The following CMKLR1 variants were observed in gnomAD, a reference collection of about 807,000 sequenced individuals.
CMKLR1 encodes chemerin chemokine-like receptor 1, also known as chemerin-like receptor 1.
Under a neutral mutation model 8.2 loss-of-function variants are expected in CMKLR1, and 6 were observed. The observed-to-expected ratio is 0.73, with a 90% CI of 0.40 to 1.44. The LOEUF is 1.44. CMKLR1 is among the 40% of genes most tolerant of loss of function. The probability of loss-of-function intolerance (pLI) is 0.02; values close to 1 mark genes in which losing one functional copy is unlikely to be tolerated. For synonymous variants in CMKLR1, 178 were observed against 181.2 expected, an observed-to-expected ratio of 0.98 and a Z score of 0.14; for missense variants, 429 against 478.0, an observed-to-expected ratio of 0.90 and a Z score of 0.96.
intron 2 of CMKLR1, among the ~76,000 whole-genome samples, chr12:108,304,165 T>TC (rs1406703370): frequency 6.6e-6 from 1 of 152,268 alleles, no homozygotes; most frequent in East Asian, 1.9e-4. Flanking sequence ...TCCAGCTCCT[T>TC]CCCTGTAGGG....
At chr12:108,331,765 G>A (rs1033817443) in intron 1 of CMKLR1, among the ~76,000 whole-genome samples, 2 of 152,160 alleles carry the variant, frequency 1.3e-5, no homozygotes, top group Non-Finnish European at 2.9e-5. Context: ...TTTGAAGGCT[G>A]GGGAAGGGGA....
chr12:108,305,722 G>T (rs1390190659), intron 2 of CMKLR1, among the ~76,000 whole-genome samples: 1 of 152,222 alleles, frequency 6.6e-6, no homozygotes, highest in Non-Finnish European at 1.5e-5. Context: ...TCCGTGTCAG[G>T]AGAGAATTTC....
Position 108,292,786 on chromosome 12 carries a change from A to G in CMKLR1, c.177T>C (p.Gly59=), listed in dbSNP as rs1334824703. The change falls in exon 4 of 4, where the codon GGT becomes GGC. Residue 59 remains glycine, a synonymous_variant. Coordinates refer to ENST00000550402, the MANE Select transcript of CMKLR1 (RefSeq NM_001142343.2). ...TGAAGGTGGCAATGATGATCACCAG[A>G]CCATTGCCCAGAATCCCGAGGAAGC... ...IVCFLGILGN[G]LVIIIATFKM... 1 of 1,614,150 alleles carries G rather than the reference A, an allele frequency of 6.2e-7. No individual in the cohort carries two copies. The highest frequency in any genetic ancestry group is 1.1e-5 in the South Asian group (1 of 91,080).
chr12:108,293,097 A>G (rs937896855), intron 3 of CMKLR1, 138 bp from the exon 4 acceptor site: 2 of 779,812 alleles, frequency 2.6e-6, no homozygotes, highest in Non-Finnish European at 4.0e-6. Context: ...CTTCTTTGCT[A>G]TTTTATTTAT....
intron 2 of CMKLR1, among the ~76,000 whole-genome samples, chr12:108,300,599 G>A (rs1296305854): frequency 6.6e-6 from 1 of 152,124 alleles, no homozygotes; most frequent in Non-Finnish European, 1.5e-5. Flanking sequence ...GGGATTAAGG[G>A]CCCAGGATAT....
chr12:108,330,422 T>C (rs1294312445), intron 1 of CMKLR1, among the ~76,000 whole-genome samples: 1 of 152,154 alleles, frequency 6.6e-6, no homozygotes, highest in Non-Finnish European at 1.5e-5. Context: ...AATTTGGGGG[T>C]GTTTGATCCA....
At chr12:108,334,279 G>C (rs1476978707) in intron 1 of CMKLR1, among the ~76,000 whole-genome samples, 1 of 152,248 alleles carries the variant, frequency 6.6e-6, no homozygotes, top group Admixed American at 6.5e-5. Context: ...GGGCCTCAAA[G>C]ACAGGAAGCA....
chr12:108,335,357 A>G (rs1048724094), intron 1 of CMKLR1, among the ~76,000 whole-genome samples: 1 of 152,146 alleles, frequency 6.6e-6, no homozygotes, highest in African/African-American at 2.4e-5. Flanking sequence ...ATAAGCAAAT[A>G]TGCCACCTCC....
chr12:108,334,099 C>G (rs1892168686), intron 1 of CMKLR1, among the ~76,000 whole-genome samples: 1 of 152,258 alleles, frequency 6.6e-6, no homozygotes, highest in Admixed American at 6.5e-5. Flanking sequence ...GTCACGTAAC[C>G]AATCAGGGCC....
chr12:108,322,831 T>C (rs80203969), intron 2 of CMKLR1, among the ~76,000 whole-genome samples: 1,897 of 152,300 alleles, frequency 0.012, 40 homozygotes, highest in African/African-American at 0.043. Context: ...AGTAAATTAC[T>C]CAACCTTGGG....
intron 1 of CMKLR1, among the ~76,000 whole-genome samples, chr12:108,335,242 C>A (rs1207078109): frequency 6.6e-6 from 1 of 152,188 alleles, no homozygotes; most frequent in African/African-American, 2.4e-5. Context: ...CCAAGAACCT[C>A]ATATCCTTGT....
At chr12:108,332,253 G>A (rs1338399253) in intron 1 of CMKLR1, among the ~76,000 whole-genome samples, 5 of 152,166 alleles carry the variant, frequency 3.3e-5, no homozygotes, top group Admixed American at 1.3e-4. Flanking sequence ...ATAGGTGGCC[G>A]GGCTCACCGC....
chr12:108,319,510 G>A (rs1293697043), intron 2 of CMKLR1, among the ~76,000 whole-genome samples: 1 of 152,198 alleles, frequency 6.6e-6, no homozygotes, highest in Non-Finnish European at 1.5e-5. Context: ...CCTCTTTGTT[G>A]CTTAAATTCT....
intron 2 of CMKLR1, among the ~76,000 whole-genome samples, chr12:108,302,532 C>T (rs980721194): frequency 6.9e-6 from 1 of 144,304 alleles, no homozygotes; most frequent in Middle Eastern, 3.6e-3. Context: ...CATCCCACAG[C>T]GTCCTACAGA....
intron 2 of CMKLR1, among the ~76,000 whole-genome samples, chr12:108,313,430 C>A (rs1469060223): frequency 1.3e-5 from 2 of 152,198 alleles, no homozygotes; most frequent in African/African-American, 2.4e-5. Flanking sequence ...GCTTAAGCCT[C>A]ACTCAGTTAC....
chr12:108,323,986 C>T lies in CMKLR1; in HGVS notation c.-74+6009G>A, dbSNP rs573782347. 2.0e-5 allele frequency among the ~76,000 whole-genome samples: 3 copies of T among 152,300 alleles called. No individual in the cohort carries two copies. The South Asian group carries it at 6.2e-4, about 32-fold the overall frequency. On this transcript the variant is annotated intron_variant, in intron 2 of 3. Coordinates refer to ENST00000550402, the MANE Select transcript of CMKLR1 (RefSeq NM_001142343.2). ...CAGCTCCAGAGAGACCAGGGGTCTACAGTCCAGCCCTGGCAGGTCCCCTCC... is the reference window on the plus strand; with the variant it reads ...CAGCTCCAGAGAGACCAGGGGTCTATAGTCCAGCCCTGGCAGGTCCCCTCC...
intron 1 of CMKLR1, among the ~76,000 whole-genome samples, chr12:108,336,384 A>C (rs922927211): frequency 1.3e-5 from 2 of 152,166 alleles, no homozygotes; most frequent in Non-Finnish European, 2.9e-5. Flanking sequence ...GTCTCTACTA[A>C]AAATACAAAA....
chr12:108,321,000 G>A (rs1891849263), intron 2 of CMKLR1, among the ~76,000 whole-genome samples: 1 of 152,188 alleles, frequency 6.6e-6, no homozygotes, highest in African/African-American at 2.4e-5. Context: ...GGGAATATTA[G>A]ATGCTAACAG....
Position 108,330,112 on chromosome 12 carries a change from C to T in CMKLR1, c.-191G>A, listed in dbSNP as rs947148630. 4.6e-5 allele frequency: 7 copies of T among 152,134 alleles called. No individual in the cohort carries two copies. The highest frequency in any genetic ancestry group is 8.8e-5 in the Non-Finnish European group (6 of 68,050). The allele number at this position is 152,134 out of a possible 1,614,324, so 9.4% of individuals were successfully genotyped here. ...AGAAGTGATGCTGTGCTAGTCCCAG[C>T]CTAGATCTCTAGATGCCATCAGCTT... is the stretch of plus-strand genomic sequence containing the variant. On this transcript the variant is annotated 5_prime_UTR_variant, in exon 2 of 4. Coordinates refer to ENST00000550402, the MANE Select transcript of CMKLR1 (RefSeq NM_001142343.2).
Sources: gnomAD v4.1 joint callset for allele counts (sites outside exome capture counted in the v4.1 genomes callset) on GRCh38, gnomAD v4.1.1 for gene constraint, MANE v1.5 for transcripts, NCBI Gene and HGNC (gene_info 2026-07-23, HGNC 2026-07-21) for gene names.